Variants in RECK observed in about 807,000 individuals in gnomAD.
RECK encodes the protein reversion inducing cysteine rich protein with kazal motifs.
RECK carries 69 observed loss-of-function variants against 115.1 expected under a neutral mutation model. The ratio of observed to expected loss-of-function variants is 0.60; its 90% confidence interval spans 0.49 to 0.73. The LOEUF (loss-of-function observed/expected upper bound fraction) is 0.73, where lower values mean the gene tolerates loss of function less well. RECK is among the 30% of genes least tolerant of loss of function. The pLI, the probability that RECK is intolerant of heterozygous loss-of-function variation, is 0.00. For synonymous variants in RECK, 414 were observed against 419.7 expected (o/e 0.99, Z 0.17); for missense variants, 1,047 against 1,203.7 (o/e 0.87, Z 1.93).
At chr9:36,089,653 A>G (rs1267201803) in intron 9 of RECK, among the ~76,000 whole-genome samples, 1 of 152,238 alleles carries the variant, frequency 6.6e-6, no homozygotes, top group African/African-American at 2.4e-5. Context: ...AAAATTATTT[A>G]AAATACTGTA....
At chr9:36,044,959 A>G (rs138736401) in intron 1 of RECK, among the ~76,000 whole-genome samples, 135 of 152,348 alleles carry the variant, frequency 8.9e-4, no homozygotes, top group African/African-American at 3.2e-3. Flanking sequence ...CTGTTAAAAA[A>G]AGTAATCTGG....
chr9:36,057,123 G>T, intron 2 of RECK: 4 of 450,878 alleles, frequency 8.9e-6, no homozygotes, highest in South Asian at 9.3e-5. Context: ...CTTGGTGAGT[G>T]AACCTTTGTC....
chr9:36,115,244 A>G (rs1261180363), intron 16 of RECK, among the ~76,000 whole-genome samples: 1 of 151,586 alleles, frequency 6.6e-6, no homozygotes, highest in African/African-American at 2.4e-5. Flanking sequence ...GAACCCGGGA[A>G]GCAGAGGTTG....
chr9:36,119,057 T>TTTA, intron 18 of RECK, 90 bp downstream of exon 18: 1 of 1,290,042 alleles, frequency 7.8e-7, no homozygotes. Context: ...AGAGAGCTCA[T>TTTA]TTACGTTTTT....
Position 36,124,243 on chromosome 9 carries a change from G to T in RECK, c.*1198G>T, listed in dbSNP as rs1186284704. ...CACATGAACTTAGATTTTACATGAA[G>T]TATTTTTTCAGTATTATATGTACCC... On this transcript the variant is annotated 3_prime_UTR_variant, in exon 21 of 21. Coordinates refer to ENST00000377966, the MANE Select transcript of RECK (RefSeq NM_021111.3). 6.6e-6 allele frequency: 1 copy of T among 152,558 alleles called. No homozygotes were observed. The highest frequency in any genetic ancestry group is 1.5e-5 in the Non-Finnish European group (1 of 68,028). The allele number at this position is 152,558 out of a possible 1,614,324, so 9.5% of individuals were successfully genotyped here.
intron 6 of RECK, among the ~76,000 whole-genome samples, chr9:36,072,282 C>CAT (rs547523519): frequency 4.5e-4 from 69 of 152,094 alleles, no homozygotes; most frequent in Non-Finnish European, 9.3e-4. Flanking sequence ...CTACCAGAAG[C>CAT]ATAAAGGAAA....
intron 18 of RECK, among the ~76,000 whole-genome samples, chr9:36,119,355 C>G (rs532821041): frequency 6.6e-6 from 1 of 152,292 alleles, no homozygotes; most frequent in African/African-American, 2.4e-5. Flanking sequence ...TGAACACAAA[C>G]TTTTGAAATT....
Position 36,094,422 on chromosome 9 carries a change from A to T in RECK, c.1085+3079A>T, listed in dbSNP as rs1429085580. On this transcript the variant is annotated intron_variant, in intron 10 of 20. Coordinates refer to ENST00000377966, the MANE Select transcript of RECK (RefSeq NM_021111.3). This position sits in a 1 kb window ranked among gnomAD's most constrained non-coding sequence, Gnocchi z 4.1. ...GAAAACTATAATAAATAATGGACAT[A>T]TATTATGCCTAGAGCAACCACTAAT... Among the ~76,000 whole-genome samples, 1 of 152,136 alleles carries T rather than the reference A, an allele frequency of 6.6e-6. No individual in the cohort carries two copies. Among genetic ancestry groups the T allele is most frequent in the Non-Finnish European group, 1.5e-5 (1 of 68,004 alleles).
intron 12 of RECK, 112 bp from the exon 13 acceptor site, chr9:36,105,031 T>C: frequency 1.3e-6 from 1 of 785,138 alleles, no homozygotes; most frequent in Non-Finnish European, 2.0e-6. Flanking sequence ...AATCAGGCCT[T>C]ACTTTACACT....
Position 36,083,438 on chromosome 9 carries a change from A to G in RECK, c.513A>G (p.Thr171=), listed in dbSNP as rs1421221132. 1.9e-6 allele frequency: 3 copies of G among 1,614,010 alleles called. No individual in the cohort carries two copies. The highest frequency in any genetic ancestry group is 2.5e-6 in the Non-Finnish European group (3 of 1,180,000). ...CREYCQAIFR[T]DSSPGPSQIK... is the part of the protein sequence containing the mutation. The stretch of plus-strand genomic sequence containing the variant: ...AATACTGTCAAGCCATTTTTCGAAC[A>G]GACTCTTCTCCTGGTCCATCTCAGA... The change falls in exon 8 of 21, where the codon ACA becomes ACG. Residue 171 remains threonine, a synonymous_variant. Coordinates refer to ENST00000377966, the MANE Select transcript of RECK (RefSeq NM_021111.3).
chr9:36,105,069 A>C (rs958171370), intron 12 of RECK, 74 bp from the exon 13 acceptor site: 11 of 1,275,948 alleles, frequency 8.6e-6, no homozygotes, highest in African/African-American at 1.5e-5. Flanking sequence ...TTCCAGCCAT[A>C]ATTAATTCAG....
chr9:36,122,050 C>T (rs1824480627), intron 20 of RECK, among the ~76,000 whole-genome samples: 2 of 152,154 alleles, frequency 1.3e-5, no homozygotes, highest in South Asian at 4.1e-4. Context: ...GGAACTGGTG[C>T]AGGTCATGCA....
At chr9:36,077,593 A>G (rs1051460313) in intron 6 of RECK, among the ~76,000 whole-genome samples, 1 of 152,190 alleles carries the variant, frequency 6.6e-6, no homozygotes, top group African/African-American at 2.4e-5. Flanking sequence ...GCAAGATGGT[A>G]TTAACACTAA....
chr9:36,051,802 C>T (rs1030476873), intron 1 of RECK, among the ~76,000 whole-genome samples: 2 of 152,164 alleles, frequency 1.3e-5, no homozygotes, highest in Non-Finnish European at 1.5e-5. Flanking sequence ...CACTCCAGGC[C>T]TGAATTTCTG....
chr9:36,092,542 A>T (rs1181758847), intron 10 of RECK, among the ~76,000 whole-genome samples: 1 of 117,050 alleles, frequency 8.5e-6, no homozygotes. Flanking sequence ...CACCCAGCTA[A>T]TTTTTTTTTT....
At chr9:36,098,705 A>G (rs1221541017) in intron 10 of RECK, among the ~76,000 whole-genome samples, 1 of 152,214 alleles carries the variant, frequency 6.6e-6, no homozygotes, top group African/African-American at 2.4e-5. Flanking sequence ...GAACCAAAAC[A>G]TCTATCAGGA....
At chr9:36,061,393 T>TACACACAC (rs58265948) in intron 4 of RECK, among the ~76,000 whole-genome samples, 9,924 of 128,966 alleles carry the variant, frequency 0.077, 463 homozygotes, top group Middle Eastern at 0.15. Flanking sequence ...TGTAATTTTC[T>TACACACAC]ACACACACAC....
intron 6 of RECK, among the ~76,000 whole-genome samples, chr9:36,077,164 G>A (rs1231187873): frequency 6.6e-6 from 1 of 152,120 alleles, no homozygotes; most frequent in Admixed American, 6.5e-5. Context: ...GCAGTTATAT[G>A]GGGGCACATT....
chr9:36,104,081 A>G (rs1323182002), intron 12 of RECK, among the ~76,000 whole-genome samples: 1 of 151,766 alleles, frequency 6.6e-6, no homozygotes, highest in Admixed American at 6.6e-5. Context: ...AAATATAATC[A>G]TGGTTTGGAG....
Sources: allele counts gnomAD v4.1 joint callset (sites outside exome capture counted in the v4.1 genomes callset), GRCh38; gene constraint gnomAD v4.1.1; non-coding constraint Gnocchi (gnomAD v3.1); transcripts MANE v1.5; gene names NCBI Gene and HGNC (gene_info 2026-07-23, HGNC 2026-07-21).